The following RC3H1 variants were observed in gnomAD, a reference collection of about 807,000 sequenced individuals.
RC3H1 encodes roquin-1.
A neutral mutation model predicts 138.2 loss-of-function variants in RC3H1; 50 were observed. The observed-to-expected ratio is 0.36, with a 90% CI of 0.29 to 0.46. RC3H1 has a LOEUF of 0.46. Ranked by LOEUF, RC3H1 falls within the 20% of genes least tolerant of loss-of-function variation. The pLI, the probability that RC3H1 is intolerant of heterozygous loss-of-function variation, is 1.00. For missense variants in RC3H1, 1,031 were observed against 1,388.1 expected (o/e 0.74, Z 4.09); for synonymous variants, 462 against 489.1 (o/e 0.94, Z 0.73).
At chr1:173,976,452 C>CA (rs575437385) in intron 7 of RC3H1, among the ~76,000 whole-genome samples, 418 of 111,568 alleles carry the variant, frequency 3.7e-3, no homozygotes, top group South Asian at 4.6e-3. Flanking sequence ...ACTGTATCTC[C>CA]AAAAAAAAAA....
chr1:174,012,585 C>G (rs904092885), intron 1 of RC3H1, among the ~76,000 whole-genome samples: 2 of 151,778 alleles, frequency 1.3e-5, no homozygotes, highest in African/African-American at 4.8e-5. Context: ...AGATCGAGAC[C>G]ATCCTGGCTA....
At chr1:173,961,031 C>T (rs1659850725) in intron 13 of RC3H1, 46 bp downstream of exon 13, 2 of 1,576,932 alleles carry the variant, frequency 1.3e-6, no homozygotes, top group Non-Finnish European at 1.7e-6. Context: ...AAACCGGACA[C>T]ACACAAAAAA....
At position 173,946,723 on chromosome 1, in the gene RC3H1, CAAGTA is replaced by C; in HGVS notation, c.2828+18_2828+22del. Reference sequence around the variant, plus strand: ...TTTTAAAGGTTTCTACATGTTTGTTCAAGTAAAAAGAATGACTCATACCTCTCACT... The same window carrying C: ...TTTTAAAGGTTTCTACATGTTTGTTCAAAAGAATGACTCATACCTCTCACT... On this transcript the variant is annotated intron_variant, in intron 16 of 19. Coordinates refer to ENST00000367696, the MANE Select transcript of RC3H1 (RefSeq NM_172071.4). 1 of 1,605,888 alleles carries C rather than the reference CAAGTA, an allele frequency of 6.2e-7. No individual in the cohort carries two copies. The highest frequency in any genetic ancestry group is 8.5e-7 in the Non-Finnish European group (1 of 1,173,326).
chr1:173,962,114 G>A lies in RC3H1; in HGVS notation c.1832-19C>T. The A allele has an allele frequency of 6.4e-7, 1 of 1,562,062 alleles. No homozygotes were observed. Among genetic ancestry groups the A allele is most frequent in the Non-Finnish European group, 8.7e-7 (1 of 1,149,726 alleles). On this transcript the variant is annotated intron_variant, in intron 11 of 19. Transcript: ENST00000367696. The stretch of plus-strand genomic sequence containing the variant: ...TACATACCTGCACAATACAAAAGAG[G>A]ACCCAAAAGCAAATAATGAGCCAAT...
chr1:173,949,257 A>G (rs1212289113), intron 14 of RC3H1, among the ~76,000 whole-genome samples: 2 of 152,094 alleles, frequency 1.3e-5, no homozygotes, highest in Non-Finnish European at 2.9e-5. Context: ...AACCACCTGG[A>G]AAAGTATTTA....
rs1661362518 is a variant in RC3H1, at chr1:173,993,058, A to G, written c.-73T>C. 1 of 1,139,218 alleles carries G rather than the reference A, an allele frequency of 8.8e-7. No homozygotes were observed. Among genetic ancestry groups the G allele is most frequent in the African/African-American group, 1.6e-5 (1 of 63,958 alleles). The allele number at this position is 1,139,218 out of a possible 1,614,324, so 70.6% of individuals were successfully genotyped here. On this transcript the variant is annotated 5_prime_UTR_variant, in exon 2 of 20. Transcript: ENST00000367696. ...AAGCAAAGATTCCACTGGAATCAAA[A>G]TCTTTGAAAAAAAGTTTATCTTTTT...
Position 173,946,793 on chromosome 1 carries a change from T to G in RC3H1, c.2781A>C (p.Pro927=). 3 of 1,613,808 alleles carry G rather than the reference T, an allele frequency of 1.9e-6. No individual in the cohort carries two copies. The highest frequency in any genetic ancestry group is 2.5e-6 in the Non-Finnish European group (3 of 1,179,686). The change falls in exon 16 of 20, where the codon CCA becomes CCC. Residue 927 remains proline (P), a synonymous_variant. Coordinates refer to ENST00000367696, the MANE Select transcript of RC3H1 (RefSeq NM_172071.4). The part of the protein sequence containing the change: ...YGTHGGWGAS[P]YSPHQNIPSQ... ...AAGGTATGTTTTGATGAGGTGAATA[T>G]GGAGAAGCTCCCCAGCCACCGTGGG...
At chr1:174,013,898 C>CA (rs1468094623) in intron 1 of RC3H1, among the ~76,000 whole-genome samples, 5 of 152,128 alleles carry the variant, frequency 3.3e-5, no homozygotes, top group Middle Eastern at 6.8e-3. Context: ...CTATTTTAAA[C>CA]AAAAACAAAA....
chr1:173,942,302 A>G (rs967293918), intron 18 of RC3H1, among the ~76,000 whole-genome samples: 6 of 151,150 alleles, frequency 4.0e-5, no homozygotes, highest in African/African-American at 1.2e-4. Context: ...GTGTGGTGGC[A>G]GGCACCTGTA....
intron 1 of RC3H1, among the ~76,000 whole-genome samples, chr1:174,013,531 G>A (rs539083714): frequency 4.0e-5 from 6 of 151,386 alleles, no homozygotes; most frequent in Non-Finnish European, 8.9e-5. Flanking sequence ...AACCTCCGCC[G>A]CCTGGGTTCA....
chr1:174,001,321 A>T (rs1661561578), intron 1 of RC3H1, among the ~76,000 whole-genome samples: 1 of 152,238 alleles, frequency 6.6e-6, no homozygotes, highest in Non-Finnish European at 1.5e-5. Flanking sequence ...TTACGTATGT[A>T]GTTTGAATCT....
chr1:173,984,347 T>G, intron 3 of RC3H1, 152 bp downstream of exon 3: 1 of 576,634 alleles, frequency 1.7e-6, no homozygotes, highest in Non-Finnish European at 2.7e-6. Flanking sequence ...GTAACAAGTC[T>G]CTTTAGTAGA....
chr1:173,943,312 G>A (rs1475761803), intron 18 of RC3H1, 130 bp downstream of exon 18: 5 of 811,798 alleles, frequency 6.2e-6, no homozygotes, highest in Non-Finnish European at 7.3e-6. Flanking sequence ...CCACCTGCAT[G>A]AGAATTATTT....
In RC3H1 at chr1:173,931,883, T is replaced by A. The variant is rs1658392516; in HGVS notation, c.*6838A>T. On this transcript the variant is annotated 3_prime_UTR_variant, in exon 20 of 20. Transcript: ENST00000367696. ...TTCACAAAATTCAGCAATTAAAAAA[T>A]CAGCTGTCACTTTAAGGCTCAATTT... 1 of 151,906 alleles carries A rather than the reference T, an allele frequency of 6.6e-6. No individual in the cohort carries two copies. The allele number at this position is 151,906 out of a possible 1,614,324, so 9.4% of individuals were successfully genotyped here.
chr1:174,012,430 A>C (rs1028682104), intron 1 of RC3H1, among the ~76,000 whole-genome samples: 1 of 152,118 alleles, frequency 6.6e-6, no homozygotes, highest in Non-Finnish European at 1.5e-5. Flanking sequence ...ATACATAATC[A>C]GTCTCCAATA....
At position 173,934,262 on chromosome 1, in the gene RC3H1, T is replaced by C. The variant is rs1444687643; in HGVS notation, c.*4459A>G. ...TAACAATCTGTACATGTACTGACTATAGTTAGTTATTTCTCACCAGTCACA... is the reference window on the plus strand; with the variant it reads ...TAACAATCTGTACATGTACTGACTACAGTTAGTTATTTCTCACCAGTCACA... On this transcript the variant is annotated 3_prime_UTR_variant, in exon 20 of 20. Coordinates refer to ENST00000367696, the MANE Select transcript of RC3H1 (RefSeq NM_172071.4). 1 of 152,140 alleles carries C rather than the reference T, an allele frequency of 6.6e-6. No individual in the cohort carries two copies. Among genetic ancestry groups the C allele is most frequent in the Non-Finnish European group, 1.5e-5 (1 of 68,012 alleles). The allele number at this position is 152,140 out of a possible 1,614,324, so 9.4% of individuals were successfully genotyped here. A position where few individuals can be genotyped will look rare whatever the true frequency, so the allele number is the denominator to read the frequency against.
intron 1 of RC3H1, among the ~76,000 whole-genome samples, chr1:174,014,109 A>T (rs908906128): frequency 8.5e-5 from 13 of 152,206 alleles, no homozygotes; most frequent in African/African-American, 2.7e-4. Flanking sequence ...TAGGTCAATG[A>T]AACCATTCTG....
rs762682218 is a variant in RC3H1, at chr1:173,972,576, C to T, written c.1154G>A (p.Arg385His). The change falls in exon 8 of 20, where the codon CGT (arginine) becomes CAT (histidine). Residue 385 changes from arginine to histidine, a missense_variant. Arg to His is a conservative substitution (Grantham distance 29, BLOSUM62 0). Around this residue, in one of 7 missense-constraint regions of RC3H1, gnomAD observed 142 missense variants for 224.6 expected, o/e 0.63. Coordinates refer to ENST00000367696, the MANE Select transcript of RC3H1 (RefSeq NM_172071.4). ...EQLENGLVAV[R>H]TVVHGLVDYI... ...ATCAACCAGCCCATGTACCACTGTA[C>T]GCACAGCAACCAGCCCATTTTCCAG... 35 of 1,613,860 alleles carry T rather than the reference C, an allele frequency of 2.2e-5. No individual in the cohort carries two copies. Among genetic ancestry groups the T allele is most frequent in the South Asian group, 1.6e-4 (15 of 91,072 alleles).
intron 1 of RC3H1, among the ~76,000 whole-genome samples, chr1:174,008,783 C>A (rs1365761532): frequency 1.3e-5 from 2 of 152,042 alleles, no homozygotes; most frequent in African/African-American, 4.8e-5. Flanking sequence ...TTGAGACCAG[C>A]CTGACCAACA....
Sources: gnomAD v4.1 joint callset for allele counts (sites outside exome capture counted in the v4.1 genomes callset) on GRCh38, gnomAD v4.1.1 for gene constraint, gnomAD v4.1.1 regional missense constraint, MANE v1.5 for transcripts, NCBI Gene and HGNC (gene_info 2026-07-23, HGNC 2026-07-21) for gene names.